The following PHF2 variants were observed in gnomAD, a reference collection of about 807,000 sequenced individuals.
The protein encoded by PHF2 is PHD finger protein 2.
PHF2 carries 27 observed loss-of-function variants against 120.5 expected under a neutral mutation model. The observed-to-expected ratio is 0.22, with a 90% CI of 0.17 to 0.31. The LOEUF is 0.31. PHF2 is among the 10% of genes least tolerant of loss of function. The pLI, the probability that PHF2 is intolerant of heterozygous loss-of-function variation, is 1.00. For synonymous variants in PHF2, 568 were observed against 592.5 expected (o/e 0.96, Z 0.60); for missense variants, 1,024 against 1,434.8 (o/e 0.71, Z 4.63).
rs901378154 is a variant in PHF2 at position 93,645,646 on chromosome 9, C to T, written c.317C>T (p.Ala106Val). ...CCCTGCAGTGCTGAAGACGTGGTGGCCCGTGTGCCAGGAAGTCAGCTCACG... is the reference window on the plus strand; with the variant it reads ...CCCTGCAGTGCTGAAGACGTGGTGGTCCGTGTGCCAGGAAGTCAGCTCACG... ...RTFPSAEDVV[A>V]RVPGSQLTLG... is the part of the protein sequence containing the mutation. Residue 106 changes from alanine to valine, a missense_variant, in exon 4 of 22, where the codon GCC (alanine) becomes GTC (valine). Physicochemically the swap from Ala to Val is moderately conservative, Grantham distance 64 (BLOSUM62 0). Transcript: ENST00000359246. 15 of 1,603,066 alleles carry T rather than the reference C, an allele frequency of 9.4e-6. No homozygotes were observed. In the East Asian group the frequency reaches 3.4e-4, roughly 36 times the overall value.
chr9:93,672,613 T>A (rs1350552106), intron 17 of PHF2: 1 of 974,902 alleles, frequency 1.0e-6, no homozygotes, highest in Non-Finnish European at 1.2e-6. Context: ...TGGGTATGGG[T>A]GTAGGCACAG....
intron 1 of PHF2, among the ~76,000 whole-genome samples, chr9:93,613,409 C>T (rs1372020303): frequency 6.6e-6 from 1 of 152,012 alleles, no homozygotes; most frequent in Non-Finnish European, 1.5e-5. Flanking sequence ...TCATGGGGAA[C>T]CCTGGGTAAT....
Position 93,634,284 on chromosome 9 carries a change from C to T in PHF2, c.185-2127C>T, listed in dbSNP as rs1402861120. ...CCCAGCAGGAGGGTGATGGTATTCA[C>T]AGTCACTGAGGCTTAGGATTGTTGG... On this transcript the variant is annotated intron_variant, in intron 2 of 21. Coordinates refer to ENST00000359246, the MANE Select transcript of PHF2 (RefSeq NM_005392.4). Among the ~76,000 whole-genome samples, 5 of 152,178 alleles carry T rather than the reference C, an allele frequency of 3.3e-5. No individual in the cohort carries two copies. The South Asian group carries it at 8.3e-4, about 25-fold the overall frequency.
chr9:93,611,363 C>T (rs1370906130), intron 1 of PHF2, among the ~76,000 whole-genome samples: 2 of 150,776 alleles, frequency 1.3e-5, no homozygotes, highest in East Asian at 1.9e-4. Context: ...TGCAGTGAGC[C>T]GAGATCATGC....
At position 93,621,637 on chromosome 9, in the gene PHF2, T is replaced by A. The variant is rs1447719001; in HGVS notation, c.99-8333T>A. 2.6e-5 allele frequency among the ~76,000 whole-genome samples: 4 copies of A among 152,196 alleles called. No individual in the cohort carries two copies. The East Asian group carries it at 7.7e-4, about 29-fold the overall frequency. ...GGAGGGCGGGGCCAGGTGTGAGGAC[T>A]GGATCCCCACCTGACCTTTGTGCCT... is the stretch of plus-strand genomic sequence containing the variant. On this transcript the variant is annotated intron_variant, in intron 1 of 21. Coordinates refer to ENST00000359246, the MANE Select transcript of PHF2 (RefSeq NM_005392.4).
At chr9:93,613,227 G>A (rs72745481) in intron 1 of PHF2, among the ~76,000 whole-genome samples, 1 of 152,212 alleles carries the variant, frequency 6.6e-6, no homozygotes, top group Non-Finnish European at 1.5e-5. Flanking sequence ...AAATGTAGTT[G>A]AGAAGTGAAT....
intron 1 of PHF2, 144 bp from the exon 2 acceptor site, chr9:93,629,826 T>C (rs1825970193): frequency 1.3e-6 from 1 of 756,382 alleles, no homozygotes; most frequent in Admixed American, 2.1e-5. Context: ...GCTTTCCTAG[T>C]AGAACACTGT....
At chr9:93,593,342 T>C (rs1254326221) in intron 1 of PHF2, among the ~76,000 whole-genome samples, 1 of 152,146 alleles carries the variant, frequency 6.6e-6, no homozygotes, top group East Asian at 1.9e-4. Flanking sequence ...AGTCTAGAGT[T>C]CCTATTTCTG....
intron 1 of PHF2, among the ~76,000 whole-genome samples, chr9:93,596,036 C>T (rs1339334263): frequency 6.6e-6 from 1 of 152,194 alleles, no homozygotes; most frequent in African/African-American, 2.4e-5. Flanking sequence ...TCCTCATGGG[C>T]GAACTGCCCT....
chr9:93,660,588 C>T, intron 12 of PHF2, 28 bp downstream of exon 12: 1 of 1,518,046 alleles, frequency 6.6e-7, no homozygotes, highest in East Asian at 2.3e-5. Context: ...TGACTCCCCA[C>T]CTTATCACCA....
intron 1 of PHF2, among the ~76,000 whole-genome samples, chr9:93,616,985 T>G (rs1407237836): frequency 6.6e-6 from 1 of 152,066 alleles, no homozygotes; most frequent in Non-Finnish European, 1.5e-5. Flanking sequence ...AAAATTAGGT[T>G]CAAAAATTAT....
chr9:93,631,615 C>T (rs1381482140), intron 2 of PHF2, among the ~76,000 whole-genome samples: 2 of 152,204 alleles, frequency 1.3e-5, no homozygotes, highest in Non-Finnish European at 2.9e-5. Context: ...AATGAGCCCA[C>T]CCAGAAAGCT....
intron 3 of PHF2, among the ~76,000 whole-genome samples, chr9:93,639,725 C>T (rs778311732): frequency 9.9e-5 from 15 of 152,154 alleles, no homozygotes; most frequent in Non-Finnish European, 1.8e-4. Context: ...AAGGCAGCCC[C>T]CACCTCTTGG....
intron 5 of PHF2, among the ~76,000 whole-genome samples, 199 bp downstream of exon 5, chr9:93,649,411 C>T (rs1367756354): frequency 7.3e-6 from 1 of 136,880 alleles, no homozygotes; most frequent in Non-Finnish European, 1.5e-5. Context: ...AAGACTGGCC[C>T]ACAGCTGACT....
At chr9:93,638,713 CA>C (rs1409412898) in intron 3 of PHF2, among the ~76,000 whole-genome samples, 2 of 152,042 alleles carry the variant, frequency 1.3e-5, no homozygotes, top group African/African-American at 4.8e-5. Context: ...ATAAGTCTTC[CA>C]AGTTTGTTCT....
In PHF2 at chr9:93,655,974, C is replaced by T; in HGVS notation, c.993C>T (p.Ala331=). 6.2e-7 allele frequency: 1 copy of T among 1,613,066 alleles called. No homozygotes were observed. The highest frequency in any genetic ancestry group is 8.5e-7 in the Non-Finnish European group (1 of 1,179,828). ...CACTCACCCCTGTGGACTGCCTGGC[C>T]TTCGCGGGACATTTCCTCCACAGCC... ...YATLTPVDCL[A]FAGHFLHSLS... Residue 331 remains alanine, a synonymous_variant, in exon 8 of 22, where the codon GCC becomes GCT. Coordinates refer to ENST00000359246, the MANE Select transcript of PHF2 (RefSeq NM_005392.4).
chr9:93,633,649 GC>G (rs1465346956), intron 2 of PHF2, among the ~76,000 whole-genome samples: 4 of 152,212 alleles, frequency 2.6e-5, no homozygotes, highest in African/African-American at 9.6e-5. Context: ...CCTTGGCACG[GC>G]CCCACGTCTC....
At chr9:93,635,944 C>A (rs1826082701) in intron 2 of PHF2, among the ~76,000 whole-genome samples, 1 of 152,004 alleles carries the variant, frequency 6.6e-6, no homozygotes, top group South Asian at 2.1e-4. Flanking sequence ...GGAGACGGAA[C>A]AAGATGGTGG....
intron 13 of PHF2, 72 bp from the exon 14 acceptor site, chr9:93,663,445 C>T (rs1826615294): frequency 5.5e-6 from 5 of 914,140 alleles, no homozygotes; most frequent in Non-Finnish European, 8.6e-6. Flanking sequence ...CCTCTTCTCA[C>T]TGACACTAAT....
Sources: gnomAD v4.1 joint callset for allele counts (sites outside exome capture counted in the v4.1 genomes callset) on GRCh38, gnomAD v4.1.1 for gene constraint, MANE v1.5 for transcripts, NCBI Gene and HGNC (gene_info 2026-07-23, HGNC 2026-07-21) for gene names.